The following CCDC85A variants were observed in gnomAD, a reference collection of about 807,000 sequenced individuals.
CCDC85A encodes the protein coiled-coil domain containing 85A.
A neutral mutation model predicts 50.2 loss-of-function variants in CCDC85A; 38 were observed. That is an observed-to-expected ratio of 0.76 (90% CI 0.58 to 0.99). The LOEUF (loss-of-function observed/expected upper bound fraction) is 0.99, where lower values mean the gene tolerates loss of function less well. Among genes scored for constraint, CCDC85A ranks in the 50% least tolerant of loss-of-function variants. The pLI is 0.00. For synonymous variants in CCDC85A, 366 were observed against 301.4 expected (o/e 1.21, Z -2.22); for missense variants, 820 against 742.0 (o/e 1.11, Z -1.22).
At chr2:56,296,510 T>A (rs1671956091) in intron 2 of CCDC85A, among the ~76,000 whole-genome samples, 1 of 152,124 alleles carries the variant, frequency 6.6e-6, no homozygotes. Context: ...TTTACTTACA[T>A]GGAGGTGATC....
chr2:56,301,067 A>C (rs2104188521), intron 2 of CCDC85A, among the ~76,000 whole-genome samples: 1 of 152,336 alleles, frequency 6.6e-6, no homozygotes, highest in East Asian at 1.9e-4. Flanking sequence ...CTGCAAATAA[A>C]ATAAATTTGC....
chr2:56,311,129 G>T (rs1391795743), intron 2 of CCDC85A, among the ~76,000 whole-genome samples: 1 of 152,008 alleles, frequency 6.6e-6, no homozygotes, highest in Non-Finnish European at 1.5e-5. Flanking sequence ...TTCCTATTTT[G>T]TTCCAGTTTT....
chr2:56,193,038 G>C lies in CCDC85A; in HGVS notation c.838G>C (p.Glu280Gln). ...RPKALKGPSP[E>Q]HHKPLCKGSP... ...CAAAGCACTCAAAGGACCTAGCCCG[G>C]AGCACCACAAACCCTTGTGCAAGGG... The change falls in exon 2 of 6, where the codon GAG becomes CAG. Residue 280 changes from glutamate to glutamine, a missense_variant. Physicochemically the swap from Glu to Gln is conservative, Grantham distance 29. Transcript: ENST00000407595. 6.8e-6 allele frequency: 11 copies of C among 1,613,870 alleles called. No individual in the cohort carries two copies. Among genetic ancestry groups the C allele is most frequent in the Non-Finnish European group, 9.3e-6 (11 of 1,179,868 alleles).
At chr2:56,361,212 C>T (rs1407963599) in intron 3 of CCDC85A, among the ~76,000 whole-genome samples, 2 of 151,868 alleles carry the variant, frequency 1.3e-5, no homozygotes, top group African/African-American at 4.8e-5. Flanking sequence ...GGAGATCGCG[C>T]CACTGCACTC....
intron 2 of CCDC85A, among the ~76,000 whole-genome samples, chr2:56,234,208 T>G (rs968131174): frequency 1.3e-5 from 2 of 152,198 alleles, no homozygotes; most frequent in Non-Finnish European, 2.9e-5. Flanking sequence ...GACTTTCACT[T>G]TCTTCTCCTC....
At chr2:56,326,707 A>G (rs1429694335) in intron 2 of CCDC85A, among the ~76,000 whole-genome samples, 1 of 152,154 alleles carries the variant, frequency 6.6e-6, no homozygotes, top group Non-Finnish European at 1.5e-5. Flanking sequence ...TAGTTAGAAT[A>G]GTTTTATCAA....
intron 2 of CCDC85A, among the ~76,000 whole-genome samples, chr2:56,322,244 A>G (rs922258553): frequency 3.3e-5 from 5 of 152,238 alleles, no homozygotes; most frequent in Non-Finnish European, 7.3e-5. Flanking sequence ...CAAGGGCTTC[A>G]TGTCTAAAAC....
intron 2 of CCDC85A, among the ~76,000 whole-genome samples, chr2:56,247,070 T>A (rs1669543228): frequency 6.6e-6 from 1 of 152,192 alleles, no homozygotes; most frequent in Non-Finnish European, 1.5e-5. Context: ...TGTTTTGCAC[T>A]CTAAATCATG....
chr2:56,356,078 T>C (rs1675210831), intron 3 of CCDC85A, among the ~76,000 whole-genome samples: 2 of 152,226 alleles, frequency 1.3e-5, no homozygotes, highest in African/African-American at 4.8e-5. Flanking sequence ...AAATTTAATA[T>C]CTATAACTAC....
At chr2:56,357,461 A>T (rs10175691) in intron 3 of CCDC85A, among the ~76,000 whole-genome samples, 3 of 151,960 alleles carry the variant, frequency 2.0e-5, no homozygotes, top group Non-Finnish European at 4.4e-5. Context: ...GAAAATATTC[A>T]GTGTTTTTAT....
intron 2 of CCDC85A, among the ~76,000 whole-genome samples, chr2:56,304,126 G>T (rs933813533): frequency 2.6e-5 from 4 of 152,168 alleles, no homozygotes; most frequent in East Asian, 1.9e-4. Context: ...TGAGGCTGTT[G>T]TAAGTGCATT....
upstream of CCDC85A, chr2:56,183,915 A>T (rs7565631): frequency 0.046 from 45,495 of 985,330 alleles, 2,655 homozygotes; most frequent in African/African-American, 0.26. Flanking sequence ...CGTCCAGCCC[A>T]TGCGGGAGCT....
chr2:56,345,633 A>G (rs531952200), intron 3 of CCDC85A, among the ~76,000 whole-genome samples: 1 of 152,314 alleles, frequency 6.6e-6, no homozygotes, highest in East Asian at 1.9e-4. Context: ...GACAGTAGGT[A>G]AGACCCTAGG....
intron 2 of CCDC85A, among the ~76,000 whole-genome samples, chr2:56,221,747 TG>T (rs1298640328): frequency 1.3e-5 from 2 of 152,148 alleles, no homozygotes; most frequent in Non-Finnish European, 2.9e-5. Context: ...AGAATGAATT[TG>T]TTAGGTTATA....
chr2:56,192,895 G>A lies in CCDC85A; in HGVS notation c.695G>A (p.Gly232Asp), dbSNP rs763053988. ...CACCACAAGCACCACGCGAGCAGTGGCAGCCCGGAGCACCTGCAGAAGCCC... is the reference window on the plus strand; with the variant it reads ...CACCACAAGCACCACGCGAGCAGTGACAGCCCGGAGCACCTGCAGAAGCCC... ...PDHHKHHASS[G>D]SPEHLQKPRS... Residue 232 changes from glycine (G) to aspartate (D), a missense_variant, in exon 2 of 6, where the codon GGC (glycine) becomes GAC (aspartate). By Grantham distance (94) the Gly-to-Asp change is moderately conservative. Coordinates refer to ENST00000407595, the MANE Select transcript of CCDC85A (RefSeq NM_001080433.2). The surrounding 1 kb of genome is among the most constrained non-coding windows in gnomAD (Gnocchi z 4.7). 1.2e-6 allele frequency: 2 copies of A among 1,611,150 alleles called. No homozygotes were observed. Among genetic ancestry groups the A allele is most frequent in the South Asian group, 1.1e-5 (1 of 90,888 alleles).
chr2:56,247,068 A>T (rs1005769057), intron 2 of CCDC85A, among the ~76,000 whole-genome samples: 2 of 152,094 alleles, frequency 1.3e-5, no homozygotes, highest in African/African-American at 2.4e-5. Context: ...GATGTTTTGC[A>T]CTCTAAATCA....
At chr2:56,213,702 T>C (rs376360028) in intron 2 of CCDC85A, among the ~76,000 whole-genome samples, 78 of 152,078 alleles carry the variant, frequency 5.1e-4, no homozygotes, top group African/African-American at 1.9e-3. Context: ...CAGAGACTAA[T>C]GAACTTTTAA....
chr2:56,275,031 A>G (rs973854853), intron 2 of CCDC85A, among the ~76,000 whole-genome samples: 5 of 152,124 alleles, frequency 3.3e-5, no homozygotes, highest in African/African-American at 1.2e-4. Context: ...TCACGACCTC[A>G]TCCAAATCTG....
intron 2 of CCDC85A, among the ~76,000 whole-genome samples, chr2:56,324,399 A>G (rs1467193072): frequency 6.6e-6 from 1 of 151,876 alleles, no homozygotes; most frequent in Non-Finnish European, 1.5e-5. Flanking sequence ...ATAGCTATGT[A>G]CTCCCTGAGG....
Sources: allele counts gnomAD v4.1 joint callset (sites outside exome capture counted in the v4.1 genomes callset), GRCh38; gene constraint gnomAD v4.1.1; non-coding constraint Gnocchi (gnomAD v3.1); transcripts MANE v1.5; gene names NCBI Gene and HGNC (gene_info 2026-07-23, HGNC 2026-07-21).